The following BMPR1B variants were observed in gnomAD, a reference collection of about 807,000 sequenced individuals.
The protein encoded by BMPR1B is bone morphogenetic protein receptor type 1B.
A neutral mutation model predicts 59.1 loss-of-function variants in BMPR1B; 12 were observed. That is an observed-to-expected ratio of 0.20 (90% CI 0.13 to 0.33). BMPR1B has a LOEUF of 0.33. Among genes scored for constraint, BMPR1B ranks in the 10% least tolerant of loss-of-function variants. The pLI is 1.00. For synonymous variants in BMPR1B, 237 were observed against 207.3 expected, an observed-to-expected ratio of 1.14 and a Z score of -1.23; for missense variants, 550 against 610.9, an observed-to-expected ratio of 0.90 and a Z score of 1.05.
Position 95,049,086 on chromosome 4 carries a change from A to T in BMPR1B, c.-18+52952A>T, listed in dbSNP as rs1281257118. The stretch of plus-strand genomic sequence containing the variant: ...CTCTCCCTCACCTAGTTGGAAGGTG[A>T]GGTTCAGAGATTCATCCTACATGCT... On this transcript the variant is annotated intron_variant, in intron 3 of 12. Transcript: ENST00000515059. Among the ~76,000 whole-genome samples the T allele has an allele frequency of 5.9e-5, 9 of 152,238 alleles. No homozygotes were observed. The East Asian group carries it at 1.7e-3, about 29-fold the overall frequency.
chr4:94,922,108 G>A (rs879780531), intron 2 of BMPR1B, among the ~76,000 whole-genome samples: 9 of 152,088 alleles, frequency 5.9e-5, no homozygotes, highest in Non-Finnish European at 8.8e-5. Context: ...AAGTAGCTGG[G>A]ATTACAGGCA....
chr4:95,066,825 A>G (rs1041072326), intron 3 of BMPR1B, among the ~76,000 whole-genome samples: 3 of 152,220 alleles, frequency 2.0e-5, no homozygotes, highest in Admixed American at 1.3e-4. Context: ...TTTGTTATGC[A>G]TTAAACTTTG....
At chr4:95,130,171 C>T (rs1370269826) in intron 9 of BMPR1B, 117 bp downstream of exon 9, 5 of 1,253,130 alleles carry the variant, frequency 4.0e-6, no homozygotes, top group Non-Finnish European at 5.7e-6. Context: ...TTGAAGTTTT[C>T]TTCTTGGCAT....
intron 3 of BMPR1B, among the ~76,000 whole-genome samples, chr4:95,081,655 T>A (rs1459554794): frequency 6.6e-6 from 1 of 152,188 alleles, no homozygotes; most frequent in Non-Finnish European, 1.5e-5. Flanking sequence ...TATCAGAATA[T>A]GAAAATTTCA....
chr4:94,795,820 G>T (rs951747140), intron 1 of BMPR1B, among the ~76,000 whole-genome samples: 1 of 152,030 alleles, frequency 6.6e-6, no homozygotes, highest in Non-Finnish European at 1.5e-5. Context: ...CTAAAATGGA[G>T]ATTTAGATGA....
chr4:95,016,678 A>C (rs1723609626), intron 3 of BMPR1B, among the ~76,000 whole-genome samples: 1 of 152,206 alleles, frequency 6.6e-6, no homozygotes, highest in African/African-American at 2.4e-5. Context: ...TGTTTTCCAC[A>C]TCTACTCCTG....
intron 2 of BMPR1B, among the ~76,000 whole-genome samples, chr4:94,958,331 A>G (rs921170416): frequency 1.3e-5 from 2 of 152,158 alleles, no homozygotes; most frequent in African/African-American, 4.8e-5. Context: ...TTACCTTGCT[A>G]GGGTTACCCT....
chr4:94,851,646 AT>A (rs1725569446), intron 1 of BMPR1B, among the ~76,000 whole-genome samples: 1 of 149,398 alleles, frequency 6.7e-6, no homozygotes, highest in African/African-American at 2.5e-5. Context: ...TTATACAGCT[AT>A]TAATCATATT....
At chr4:94,865,272 ATCT>A (rs1316130115) in intron 1 of BMPR1B, among the ~76,000 whole-genome samples, 1 of 152,112 alleles carries the variant, frequency 6.6e-6, no homozygotes, top group Non-Finnish European at 1.5e-5. Context: ...CTCCCAAATA[ATCT>A]TCAAGTTTTA....
intron 1 of BMPR1B, among the ~76,000 whole-genome samples, chr4:94,776,174 T>G (rs567142674): frequency 6.6e-6 from 1 of 152,274 alleles, no homozygotes; most frequent in East Asian, 1.9e-4. Context: ...TTTGTTGTTG[T>G]TTCCTCACTA....
rs374394129 is a variant in BMPR1B, at chr4:94,808,246, TAGAC to T, written c.-183+50182_-183+50185del. On this transcript the variant is annotated intron_variant, in intron 1 of 12. Transcript: ENST00000515059. Reference sequence around the variant, plus strand: ...ACAAAATGTGGGATTTATGGAAAATTAGACAGAAGAAAAATTACCCATGGCCCCA... The same window carrying T: ...ACAAAATGTGGGATTTATGGAAAATTAGAAGAAAAATTACCCATGGCCCCA... 3.9e-3 allele frequency among the ~76,000 whole-genome samples: 593 copies of T among 152,294 alleles called. 4 individuals are homozygous for T. The highest frequency in any genetic ancestry group is 0.014 in the African/African-American group (577 of 41,578).
intron 1 of BMPR1B, among the ~76,000 whole-genome samples, chr4:94,849,106 T>C (rs2148944938): frequency 6.6e-6 from 1 of 152,216 alleles, no homozygotes; most frequent in African/African-American, 2.4e-5. Context: ...TACAAGACCA[T>C]GTAGGGAGTG....
At chr4:94,831,162 G>A (rs1398360571) in intron 1 of BMPR1B, among the ~76,000 whole-genome samples, 1 of 150,738 alleles carries the variant, frequency 6.6e-6, no homozygotes, top group African/African-American at 2.5e-5. Context: ...AGTGACATTG[G>A]TGATCCTGAC....
At chr4:95,113,259 A>G (rs1202597672) in intron 4 of BMPR1B, among the ~76,000 whole-genome samples, 1 of 152,140 alleles carries the variant, frequency 6.6e-6, no homozygotes, top group Non-Finnish European at 1.5e-5. Flanking sequence ...AACAATATTC[A>G]TGCTTTTTGA....
rs1311454107 is a variant in BMPR1B, at chr4:95,157,523, T to C, written c.*2850T>C. On this transcript the variant is annotated 3_prime_UTR_variant, in exon 13 of 13. Coordinates refer to ENST00000515059, the MANE Select transcript of BMPR1B (RefSeq NM_001203.3). ...ATTTCAAAGACTAAGAAGAGTTTCT[T>C]CTAACCCCTCCCTCTCAAAGGAATC... is the stretch of plus-strand genomic sequence containing the variant. 6.6e-6 allele frequency: 1 copy of C among 152,016 alleles called. No homozygotes were observed. The highest frequency in any genetic ancestry group is 1.5e-5 in the Non-Finnish European group (1 of 67,970). 9.4% of individuals were successfully genotyped at this position (152,016 alleles called of 1,614,324 possible). A position where few individuals can be genotyped will look rare whatever the true frequency, so the allele number is the denominator to read the frequency against.
In BMPR1B at chr4:94,929,488, T is replaced by A. The variant is rs28627406; in HGVS notation, c.-113+53588T>A. 4.3e-3 allele frequency among the ~76,000 whole-genome samples: 648 copies of A among 152,198 alleles called. 7 individuals carry two copies. The highest frequency in any genetic ancestry group is 0.015 in the African/African-American group (628 of 41,544). On this transcript the variant is annotated intron_variant, in intron 2 of 12. Coordinates refer to ENST00000515059, the MANE Select transcript of BMPR1B (RefSeq NM_001203.3). ...CTTCTTTAAGTCCTTTTGGTGTATC[T>A]CAGGATCATTTAACACTCAGGAGTC...
At chr4:95,064,905 T>C (rs1262877675) in intron 3 of BMPR1B, among the ~76,000 whole-genome samples, 1 of 152,122 alleles carries the variant, frequency 6.6e-6, no homozygotes. Context: ...GAAATTGGAA[T>C]CCTCATCTGT....
At chr4:94,981,022 CAA>C (rs1484712011) in intron 2 of BMPR1B, among the ~76,000 whole-genome samples, 170 of 151,930 alleles carry the variant, frequency 1.1e-3, no homozygotes, top group African/African-American at 3.6e-3. Flanking sequence ...CACACACACA[CAA>C]AAAGTAGAAG....
chr4:95,141,611 G>A (rs746245187), intron 10 of BMPR1B, among the ~76,000 whole-genome samples: 21 of 152,222 alleles, frequency 1.4e-4, no homozygotes, highest in African/African-American at 3.6e-4. Flanking sequence ...ATGTGCTGGC[G>A]GACATCACCA....
Sources: allele counts gnomAD v4.1 joint callset (sites outside exome capture counted in the v4.1 genomes callset), GRCh38; gene constraint gnomAD v4.1.1; transcripts MANE v1.5; gene names NCBI Gene and HGNC (gene_info 2026-07-23, HGNC 2026-07-21).